Variants in CTNNB1 observed in about 807,000 individuals in gnomAD.
The protein encoded by CTNNB1 is catenin beta 1, also known as catenin beta-1.
A neutral mutation model predicts 82.5 loss-of-function variants in CTNNB1; 6 were observed. The ratio of observed to expected loss-of-function variants is 0.07; its 90% confidence interval spans 0.04 to 0.14. CTNNB1 has a LOEUF of 0.14. CTNNB1 is among the 10% of genes least tolerant of loss of function. The pLI is 1.00. For synonymous variants in CTNNB1, 312 were observed against 329.7 expected (o/e 0.95, Z 0.58); for missense variants, 529 against 980.4 (o/e 0.54, Z 6.15).
rs747601516 is a variant in CTNNB1 at position 41,238,014 on chromosome 3, A to G, written c.2077-2A>G. ...TTCCTTGCTTTGTGCATGTTTATCT[A>G]GACTGCTGATCTTGGACTTGATATT... On this transcript the variant is annotated splice_acceptor_variant, in intron 13 of 14. Transcript: ENST00000349496. LOFTEE classifies it high-confidence loss of function. The G allele has an allele frequency of 1.9e-6, 3 of 1,613,606 alleles. No individual in the cohort carries two copies. The highest frequency in any genetic ancestry group is 2.5e-6 in the Non-Finnish European group (3 of 1,179,520).
At chr3:41,200,750 A>G (rs1207298102) in intron 1 of CTNNB1, among the ~76,000 whole-genome samples, 3 of 152,258 alleles carry the variant, frequency 2.0e-5, no homozygotes, top group South Asian at 4.1e-4. Flanking sequence ...AAGTTCCTAT[A>G]GCCTGCTTCT....
At chr3:41,204,748 C>T (rs991712249) in intron 1 of CTNNB1, among the ~76,000 whole-genome samples, 4 of 152,220 alleles carry the variant, frequency 2.6e-5, no homozygotes, top group African/African-American at 9.6e-5. Flanking sequence ...ATTAAATACA[C>T]TTATTTGCTG....
chr3:41,200,292 TAAAC>T (rs1239310307), intron 1 of CTNNB1: 4 of 152,206 alleles, frequency 2.6e-5, no homozygotes, highest in Admixed American at 2.6e-4. Context: ...TTAGAGCAAC[TAAAC>T]TCTAAGTGCA....
intron 1 of CTNNB1, among the ~76,000 whole-genome samples, chr3:41,202,595 C>T (rs2077557132): frequency 6.6e-6 from 1 of 152,118 alleles, no homozygotes; most frequent in Admixed American, 6.5e-5. Flanking sequence ...TCGTATGTAG[C>T]CATTGCCTCC....
chr3:41,237,760 A>C (rs1174369321), intron 13 of CTNNB1: 2 of 464,726 alleles, frequency 4.3e-6, no homozygotes, highest in East Asian at 7.6e-5. Flanking sequence ...GCCTGGCAGC[A>C]CATAATAGGT....
At chr3:41,200,040 C>T (rs915856762) in intron 1 of CTNNB1, 4 of 77,562 alleles carry the variant, frequency 5.2e-5, no homozygotes, top group African/African-American at 2.1e-4. Flanking sequence ...CCCGGTGCCT[C>T]GGGATGCGCC....
chr3:41,220,250 A>C (rs2125609219), intron 1 of CTNNB1, among the ~76,000 whole-genome samples: 1 of 152,252 alleles, frequency 6.6e-6, no homozygotes, highest in Admixed American at 6.5e-5. Flanking sequence ...TCATACTTCT[A>C]ATAACCATTT....
At chr3:41,235,931 A>T in intron 11 of CTNNB1, 88 bp downstream of exon 11, 2 of 1,450,372 alleles carry the variant, frequency 1.4e-6, no homozygotes, top group South Asian at 2.3e-5. Flanking sequence ...ATTAGGGACC[A>T]TAATAGGGTT....
chr3:41,223,090 A>G (rs1242635872), intron 1 of CTNNB1, among the ~76,000 whole-genome samples: 3 of 152,170 alleles, frequency 2.0e-5, no homozygotes, highest in Non-Finnish European at 4.4e-5. Context: ...AAAACAAAAC[A>G]TAGTTCACAC....
chr3:41,228,396 T>G (rs1421495634), intron 7 of CTNNB1, among the ~76,000 whole-genome samples: 3 of 152,242 alleles, frequency 2.0e-5, no homozygotes, highest in Admixed American at 6.5e-5. Flanking sequence ...TTTTTGACTT[T>G]TTATTAGTAG....
rs371603723 is a variant in CTNNB1, at chr3:41,236,521, C to T, written c.1954+22C>T. 33 of 1,614,070 alleles carry T rather than the reference C, an allele frequency of 2.0e-5. No individual in the cohort carries two copies. The African/African-American group carries it at 4.1e-4, about 20-fold the overall frequency. ...GTGGGTAAGTAAAAAGGAACCAAAG[C>T]CTTTAGCAGATGTGTACATTGAAGT... On this transcript the variant is annotated intron_variant, in intron 12 of 14. Coordinates refer to ENST00000349496, the MANE Select transcript of CTNNB1 (RefSeq NM_001904.4).
At chr3:41,199,866 GT>G (rs1028423249) in intron 1 of CTNNB1, 196 bp downstream of exon 1, 4 of 150,942 alleles carry the variant, frequency 2.7e-5, no homozygotes, top group South Asian at 2.1e-4. Flanking sequence ...CCGGGCCCGG[GT>G]TCCGGTCGCG....
intron 10 of CTNNB1, chr3:41,235,253 T>C: frequency 4.8e-6 from 1 of 208,086 alleles, no homozygotes; most frequent in Non-Finnish European, 9.8e-6. Context: ...TGAATAGTCT[T>C]GGAAGAGTGA....
chr3:41,236,946 G>A (rs1347507080), intron 13 of CTNNB1: 3 of 601,368 alleles, frequency 5.0e-6, no homozygotes, highest in Non-Finnish European at 8.7e-6. Context: ...TAATTCATAA[G>A]GGAGAAAGAT....
At chr3:41,223,768 A>T (rs976718314) in intron 1 of CTNNB1, among the ~76,000 whole-genome samples, 28 of 152,152 alleles carry the variant, frequency 1.8e-4, no homozygotes, top group Middle Eastern at 3.2e-3. Flanking sequence ...CTGAATATCT[A>T]TAATTAATAT....
chr3:41,212,828 T>C (rs2077826258), intron 1 of CTNNB1, among the ~76,000 whole-genome samples: 2 of 152,214 alleles, frequency 1.3e-5, no homozygotes, highest in Non-Finnish European at 2.9e-5. Flanking sequence ...ATTTTTCTCA[T>C]CTACTATATC....
chr3:41,220,283 C>G (rs1476573128), intron 1 of CTNNB1, among the ~76,000 whole-genome samples: 1 of 151,840 alleles, frequency 6.6e-6, no homozygotes, highest in Non-Finnish European at 1.5e-5. Flanking sequence ...AAAGACAGTA[C>G]CAAAGGCATA....
intron 1 of CTNNB1, among the ~76,000 whole-genome samples, chr3:41,204,263 AAG>A (rs2077597609): frequency 6.6e-6 from 1 of 152,150 alleles, no homozygotes; most frequent in African/African-American, 2.4e-5. Flanking sequence ...CTGATTTTTC[AAG>A]AGTTTTCTGA....
At position 41,239,546 on chromosome 3, in the gene CTNNB1, T is replaced by C; in HGVS notation, c.*204T>C. The C allele has an allele frequency of 1.7e-6, 1 of 597,528 alleles. No homozygotes were observed. The highest frequency in any genetic ancestry group is 3.0e-6 in the Non-Finnish European group (1 of 335,934). 37.0% of individuals were successfully genotyped at this position (597,528 alleles called of 1,614,324 possible). The stretch of plus-strand genomic sequence containing the variant: ...CAGATTTCTGGTTGTTATGTGATCA[T>C]GTGTGGAAGTTATTAACTTTAATGT... On this transcript the variant is annotated 3_prime_UTR_variant, in exon 15 of 15. Transcript: ENST00000349496.
Sources: gnomAD v4.1 joint callset for allele counts (sites outside exome capture counted in the v4.1 genomes callset) on GRCh38, gnomAD v4.1.1 for gene constraint, MANE v1.5 for transcripts, NCBI Gene and HGNC (gene_info 2026-07-23, HGNC 2026-07-21) for gene names.